Variants in CACNG6 observed in about 807,000 individuals in gnomAD.
CACNG6 encodes the protein calcium voltage-gated channel auxiliary subunit gamma 6.
CACNG6 carries 21 observed loss-of-function variants against 23.9 expected under a neutral mutation model. The ratio of observed to expected loss-of-function variants is 0.88; its 90% CI spans 0.62 to 1.26. CACNG6 has a LOEUF of 1.26. Ranked by LOEUF, CACNG6 falls within the 50% of genes most tolerant of loss-of-function variation. The probability of loss-of-function intolerance (pLI) is 0.00; values close to 1 mark genes in which losing one functional copy is unlikely to be tolerated. For missense variants in CACNG6, 340 were observed against 352.9 expected, an observed-to-expected ratio of 0.96 and a Z score of 0.29; for synonymous variants, 182 against 168.9, an observed-to-expected ratio of 1.08 and a Z score of -0.60.
chr19:53,998,348 G>C (rs773395368), intron 2 of CACNG6, 35 bp downstream of exon 2: 34 of 1,585,190 alleles, frequency 2.1e-5, no homozygotes, highest in Non-Finnish European at 2.9e-5. Context: ...GGTGACAGGT[G>C]GGGGAAATGC....
intron 3 of CACNG6, among the ~76,000 whole-genome samples, chr19:54,000,055 C>T (rs1208213676): frequency 6.6e-6 from 1 of 151,964 alleles, no homozygotes; most frequent in Non-Finnish European, 1.5e-5. Flanking sequence ...ATGGGAGAAC[C>T]CCAACAACCG....
intron 2 of CACNG6, among the ~76,000 whole-genome samples, chr19:53,999,129 G>C (rs2069550531): frequency 6.6e-6 from 1 of 152,194 alleles, no homozygotes; most frequent in East Asian, 1.9e-4. Flanking sequence ...GCCTCCCAAA[G>C]TGCTGGGATT....
chr19:54,000,296 G>C (rs1368713583), intron 3 of CACNG6, among the ~76,000 whole-genome samples: 4 of 152,160 alleles, frequency 2.6e-5, no homozygotes, highest in Non-Finnish European at 4.4e-5. Flanking sequence ...AAGCACTATA[G>C]CGTGTTGAGA....
chr19:54,004,595 G>GA (rs929699737), intron 3 of CACNG6, among the ~76,000 whole-genome samples: 25 of 152,086 alleles, frequency 1.6e-4, no homozygotes, highest in African/African-American at 5.8e-4. Flanking sequence ...CCTACTGCTA[G>GA]AATAACATGG....
intron 3 of CACNG6, among the ~76,000 whole-genome samples, chr19:54,000,337 T>A (rs17273204): frequency 0.047 from 7,133 of 152,262 alleles, 179 homozygotes; most frequent in South Asian, 0.076. Context: ...TATAGCAGGC[T>A]CAAAGGTGGA....
chr19:54,008,821 A>T (rs1042114380), intron 3 of CACNG6, among the ~76,000 whole-genome samples: 1 of 152,032 alleles, frequency 6.6e-6, no homozygotes, highest in Non-Finnish European at 1.5e-5. Context: ...CCTTTCATGC[A>T]TCACCCTCTG....
chr19:54,004,500 G>T (rs1180998090), intron 3 of CACNG6, among the ~76,000 whole-genome samples: 2 of 152,040 alleles, frequency 1.3e-5, no homozygotes, highest in Non-Finnish European at 2.9e-5. Context: ...TTACAGGTGT[G>T]AGCCACCACG....
At position 53,996,011 on chromosome 19, in the gene CACNG6, C is replaced by T. The variant is rs180828330; in HGVS notation, c.332-2228C>T. 3.0e-3 allele frequency among the ~76,000 whole-genome samples: 456 copies of T among 152,370 alleles called. 3 individuals carry two copies. Among genetic ancestry groups the T allele is most frequent in the African/African-American group, 7.6e-3 (318 of 41,590 alleles). On this transcript the variant is annotated intron_variant, in intron 1 of 3. Transcript: ENST00000252729. ...GCATAAGAACTCACATATCCCACTC[C>T]TCCTGGCCGGACATCTCACCCCTTC...
At chr19:54,007,070 A>G (rs1219374563) in intron 3 of CACNG6, among the ~76,000 whole-genome samples, 1 of 151,880 alleles carries the variant, frequency 6.6e-6, no homozygotes, top group East Asian at 1.9e-4. Flanking sequence ...GTTTTTTGAG[A>G]CAGGGTCTCA....
At chr19:54,007,233 G>T (rs2069657677) in intron 3 of CACNG6, among the ~76,000 whole-genome samples, 1 of 152,140 alleles carries the variant, frequency 6.6e-6, no homozygotes, top group African/African-American at 2.4e-5. Flanking sequence ...ATTTTTAGTA[G>T]GGATGGGGTT....
intron 1 of CACNG6, 50 bp from the exon 2 acceptor site, chr19:53,998,189 G>A (rs376406347): frequency 2.8e-4 from 432 of 1,530,546 alleles, no homozygotes; most frequent in Non-Finnish European, 3.4e-4. Flanking sequence ...CTGAGCTTAC[G>A]CAAGGGACCT....
chr19:54,011,442 A>C (rs950705025), intron 3 of CACNG6, among the ~76,000 whole-genome samples: 6 of 148,982 alleles, frequency 4.0e-5, no homozygotes, highest in Non-Finnish European at 7.4e-5. Flanking sequence ...AAAAAAAAAA[A>C]AAAAAAAAAA....
chr19:53,994,095 C>G (rs527612934), intron 1 of CACNG6, among the ~76,000 whole-genome samples: 1 of 152,146 alleles, frequency 6.6e-6, no homozygotes, highest in Non-Finnish European at 1.5e-5. Context: ...CATGGAGAGA[C>G]AGCCTGGGTT....
chr19:53,998,167 A>T, intron 1 of CACNG6, 72 bp from the exon 2 acceptor site: 1 of 1,338,742 alleles, frequency 7.5e-7, no homozygotes, highest in Non-Finnish European at 1.1e-6. Flanking sequence ...GTGGGCTGTT[A>T]ACTGTCCAGC....
intron 3 of CACNG6, among the ~76,000 whole-genome samples, chr19:54,009,356 G>GGTTGCAGTGAGCTGAGATCATGTCACTGC (rs199993983): frequency 8.6e-5 from 13 of 150,818 alleles, no homozygotes; most frequent in Admixed American, 2.0e-4. Context: ...GGGAGGTGGA[G>GGTTGCAGTGAGCTGAGATCATGTCACTGC]GTTGCAGTGA....
intron 3 of CACNG6, among the ~76,000 whole-genome samples, chr19:54,006,223 G>A (rs113838338): frequency 2.6e-5 from 4 of 151,782 alleles, no homozygotes; most frequent in African/African-American, 7.2e-5. Context: ...ATTTATGCCC[G>A]TATTCATTTG....
intron 1 of CACNG6, among the ~76,000 whole-genome samples, chr19:53,995,521 T>C (rs1452199300): frequency 6.6e-6 from 1 of 152,082 alleles, no homozygotes. Flanking sequence ...TGCTAAACTA[T>C]TAGTAGCCAA....
In CACNG6 at chr19:53,993,203, C is replaced by G; in HGVS notation, c.326C>G (p.Pro109Arg). Residue 109 changes from proline to arginine, a missense_variant, in exon 1 of 4, where the codon CCC (proline) becomes CGC (arginine). Transcript: ENST00000252729. ...DRDTCGPAEL[P>R]GEANCTYFKF... ...GACACCTGCGGCCCCGCGGAGCTGC[C>G]CGGAGGTGAGCAGCCGCCGCCCCGA... 1 of 1,538,350 alleles carries G rather than the reference C, an allele frequency of 6.5e-7. No individual in the cohort carries two copies. Among genetic ancestry groups the G allele is most frequent in the Non-Finnish European group, 8.7e-7 (1 of 1,144,916 alleles).
intron 3 of CACNG6, among the ~76,000 whole-genome samples, chr19:54,001,409 C>G (rs1008296627): frequency 6.6e-6 from 1 of 151,700 alleles, no homozygotes; most frequent in Non-Finnish European, 1.5e-5. Context: ...GGCTGGTCTC[C>G]AACTCCTGAC....
Sources: allele counts gnomAD v4.1 joint callset (sites outside exome capture counted in the v4.1 genomes callset), GRCh38; gene constraint gnomAD v4.1.1; transcripts MANE v1.5; gene names NCBI Gene and HGNC (gene_info 2026-07-23, HGNC 2026-07-21).